The following KALRN variants were observed in gnomAD, a reference collection of about 807,000 sequenced individuals.
KALRN encodes the protein kalirin RhoGEF kinase.
KALRN carries 70 observed loss-of-function variants against 353.7 expected under a neutral mutation model. The ratio of observed to expected loss-of-function variants is 0.20; its 90% CI spans 0.16 to 0.24. The LOEUF (loss-of-function observed/expected upper bound fraction) is 0.24, where lower values mean the gene tolerates loss of function less well. KALRN is among the 10% of genes least tolerant of loss of function. KALRN has a pLI of 1.00. For missense variants in KALRN, 2,791 were observed against 3,756.7 expected, an observed-to-expected ratio of 0.74 and a Z score of 6.72; for synonymous variants, 1,391 against 1,434.8, an observed-to-expected ratio of 0.97 and a Z score of 0.69.
chr3:124,469,372 G>A (rs965493544), intron 25 of KALRN, among the ~76,000 whole-genome samples: 2 of 152,176 alleles, frequency 1.3e-5, no homozygotes, highest in African/African-American at 4.8e-5. Context: ...CTCAGCCTGG[G>A]TGATCCAACT....
chr3:124,356,013 C>T (rs959515619), intron 10 of KALRN, among the ~76,000 whole-genome samples: 2 of 152,058 alleles, frequency 1.3e-5, no homozygotes, highest in African/African-American at 2.4e-5. Context: ...CCGCGCCCAG[C>T]CTCTCCCATC....
intron 34 of KALRN, among the ~76,000 whole-genome samples, chr3:124,579,191 G>A (rs371011166): frequency 8.5e-5 from 13 of 152,312 alleles, no homozygotes; most frequent in African/African-American, 3.1e-4. Flanking sequence ...TAATGTGGAG[G>A]GAGAGGCAGT....
At chr3:124,074,125 G>T (rs754366684) in intron 1 of KALRN, among the ~76,000 whole-genome samples, 5 of 152,010 alleles carry the variant, frequency 3.3e-5, no homozygotes, top group Non-Finnish European at 5.9e-5. Context: ...GGCTAGGCAG[G>T]GGGTGCTGAG....
At chr3:124,078,381 T>C (rs1297273714) in intron 1 of KALRN, among the ~76,000 whole-genome samples, 3 of 152,214 alleles carry the variant, frequency 2.0e-5, no homozygotes, top group African/African-American at 7.2e-5. Flanking sequence ...TAATTGATAA[T>C]GTATTTATAA....
At chr3:124,443,620 G>A (rs1243358811) in intron 19 of KALRN, among the ~76,000 whole-genome samples, 2 of 152,206 alleles carry the variant, frequency 1.3e-5, no homozygotes, top group African/African-American at 4.8e-5. Flanking sequence ...ATGTAGATGG[G>A]AGCTTGGGTG....
At chr3:124,120,304 C>A (rs1408418939) in intron 1 of KALRN, among the ~76,000 whole-genome samples, 1 of 152,166 alleles carries the variant, frequency 6.6e-6, no homozygotes, top group African/African-American at 2.4e-5. Context: ...GTCTTGCTGT[C>A]CAAAGTCAGC....
intron 1 of KALRN, among the ~76,000 whole-genome samples, chr3:124,113,720 A>G (rs1028645152): frequency 2.0e-5 from 3 of 152,218 alleles, no homozygotes; most frequent in African/African-American, 4.8e-5. Context: ...GTGCCCTGCT[A>G]TCTCCTGCTG....
chr3:124,474,514 TA>T, intron 25 of KALRN, 148 bp from the exon 26 acceptor site: 2 of 636,098 alleles, frequency 3.1e-6, no homozygotes, highest in South Asian at 3.7e-5. Context: ...GTTCCGACAT[TA>T]AAAACTGCAC....
At chr3:124,443,353 G>A (rs999407057) in intron 19 of KALRN, among the ~76,000 whole-genome samples, 1 of 152,340 alleles carries the variant, frequency 6.6e-6, no homozygotes, top group Admixed American at 6.5e-5. Context: ...GAGGAGTGGG[G>A]TATGGGCTTG....
intron 21 of KALRN, 125 bp from the exon 22 acceptor site, chr3:124,455,052 G>C: frequency 1.1e-6 from 1 of 945,412 alleles, no homozygotes; most frequent in Non-Finnish European, 1.6e-6. Flanking sequence ...AACAAAGCTG[G>C]GATACATACC....
At position 124,718,878 on chromosome 3, in the gene KALRN, G is replaced by C. The variant is rs759119976; in HGVS notation, c.8416-47G>C. On this transcript the variant is annotated intron_variant, in intron 59 of 59. Transcript: ENST00000682506. The stretch of plus-strand genomic sequence containing the variant: ...AGGTATTTTGAGTAGTCAAAATAGA[G>C]GCCTAAACTTCCCTTCTTTTCTCCC... 4 of 1,552,624 alleles carry C rather than the reference G, an allele frequency of 2.6e-6. No individual in the cohort carries two copies. In the South Asian group the frequency reaches 4.5e-5, roughly 18 times the overall value.
chr3:124,262,748 C>T (rs959664138), intron 3 of KALRN, among the ~76,000 whole-genome samples: 4 of 152,114 alleles, frequency 2.6e-5, no homozygotes, highest in African/African-American at 9.7e-5. Flanking sequence ...GAATAAAGCC[C>T]CCCAAAAAGG....
At chr3:124,351,971 G>T (rs867419031) in intron 10 of KALRN, among the ~76,000 whole-genome samples, 14 of 152,304 alleles carry the variant, frequency 9.2e-5, no homozygotes, top group Middle Eastern at 6.8e-3. Flanking sequence ...CCAACATTCA[G>T]AGTGAAGGCC....
At chr3:124,119,740 T>C (rs779681030) in intron 1 of KALRN, among the ~76,000 whole-genome samples, 4 of 152,204 alleles carry the variant, frequency 2.6e-5, no homozygotes, top group African/African-American at 4.8e-5. Context: ...ATTTTGAAGG[T>C]CCTGGGGCAC....
chr3:124,163,074 A>G (rs1378084652), intron 1 of KALRN: 1 of 152,250 alleles, frequency 6.6e-6, no homozygotes, highest in Admixed American at 6.5e-5. Flanking sequence ...TTCATAGATA[A>G]GATGATGTTT....
At chr3:124,460,823 G>A (rs76514265) in intron 23 of KALRN, among the ~76,000 whole-genome samples, 24,817 of 152,188 alleles carry the variant, frequency 0.16, 2,500 homozygotes, top group Non-Finnish European at 0.23. Flanking sequence ...GCCATGTATC[G>A]TAAGTTTAAC....
At chr3:124,490,559 T>C in intron 29 of KALRN, 135 bp from the exon 30 acceptor site, 1 of 692,184 alleles carries the variant, frequency 1.4e-6, no homozygotes, top group Non-Finnish European at 2.4e-6. Context: ...TCTCTGGAGT[T>C]AGCAGAGAGA....
intron 5 of KALRN, among the ~76,000 whole-genome samples, chr3:124,286,925 G>A (rs2075966643): frequency 6.6e-6 from 1 of 152,062 alleles, no homozygotes; most frequent in South Asian, 2.1e-4. Context: ...ATACACTGTA[G>A]AGGCTCTTGA....
chr3:124,661,629 A>G (rs1466590379), intron 44 of KALRN, among the ~76,000 whole-genome samples: 1 of 152,154 alleles, frequency 6.6e-6, no homozygotes. Context: ...CCCCCAACAT[A>G]TGCTCAGTGA....
Sources: gnomAD v4.1 joint callset for allele counts (sites outside exome capture counted in the v4.1 genomes callset) on GRCh38, gnomAD v4.1.1 for gene constraint, MANE v1.5 for transcripts, NCBI Gene and HGNC (gene_info 2026-07-23, HGNC 2026-07-21) for gene names.